Variants in KIT observed in about 807,000 individuals in gnomAD.
The protein encoded by KIT is mast/stem cell growth factor receptor Kit.
KIT carries 16 observed loss-of-function variants against 105.7 expected under a neutral mutation model. That is an observed-to-expected ratio of 0.15 (90% CI 0.10 to 0.23). The LOEUF is 0.23. KIT is among the 10% of genes least tolerant of loss of function. The pLI, the probability that KIT is intolerant of heterozygous loss-of-function variation, is 1.00. For missense variants in KIT, 858 were observed against 1,213.8 expected (o/e 0.71, Z 4.36); for synonymous variants, 438 against 441.1 (o/e 0.99, Z 0.09).
At chr4:54,695,442 T>C (rs1006895020) in intron 1 of KIT, 70 bp from the exon 2 acceptor site, 4 of 1,515,118 alleles carry the variant, frequency 2.6e-6, no homozygotes, top group Non-Finnish European at 3.7e-6. Context: ...TGGAACTCAG[T>C]ATTGGAAGAA....
intron 1 of KIT, among the ~76,000 whole-genome samples, chr4:54,678,229 C>T (rs80074752): frequency 6.6e-6 from 1 of 151,762 alleles, no homozygotes; most frequent in African/African-American, 2.4e-5. Flanking sequence ...TTGTCTGTTT[C>T]CTTCATCTTC....
intron 7 of KIT, among the ~76,000 whole-genome samples, chr4:54,722,217 C>T (rs184758292): frequency 6.4e-4 from 98 of 152,176 alleles, no homozygotes; most frequent in African/African-American, 2.2e-3. Flanking sequence ...AACTCCTGAC[C>T]TCAGGTGATC....
In KIT at chr4:54,727,339, G is replaced by T. The variant is rs776294006; in HGVS notation, c.1647+15G>T. The T allele has an allele frequency of 6.8e-6, 11 of 1,613,348 alleles. No individual in the cohort carries two copies. Among genetic ancestry groups the T allele is most frequent in the Non-Finnish European group, 9.3e-6 (11 of 1,179,360 alleles). On this transcript the variant is annotated intron_variant, in intron 10 of 20. Transcript: ENST00000288135. ...AATATTTACAGGTAACCATTTATTT[G>T]TTCTCTCTCCAGAGTGCTCTAATGA...
chr4:54,733,461 G>A (rs1722728339), intron 17 of KIT: 1 of 377,078 alleles, frequency 2.7e-6, no homozygotes. Flanking sequence ...ATTATAGCCT[G>A]AGAATAGCAA....
intron 1 of KIT, among the ~76,000 whole-genome samples, chr4:54,665,796 G>A (rs979805397): frequency 7.2e-5 from 11 of 152,144 alleles, no homozygotes; most frequent in East Asian, 1.9e-4. Context: ...GAGGGAAGAC[G>A]TCAATGAAAT....
chr4:54,738,856 G>A lies in KIT; in HGVS notation c.*299G>A. On this transcript the variant is annotated 3_prime_UTR_variant, in exon 21 of 21. Coordinates refer to ENST00000288135, the MANE Select transcript of KIT (RefSeq NM_000222.3). ...ACTGGGGGCCAGAGTCCTTTCCAAG[G>A]CTTCTCCAATTCTGCCCAAAAATAT... The A allele has an allele frequency of 1.7e-6, 1 of 599,340 alleles. No homozygotes were observed. The highest frequency in any genetic ancestry group is 3.0e-6 in the Non-Finnish European group (1 of 337,798). 37.1% of individuals were successfully genotyped at this position (599,340 alleles called of 1,614,324 possible). A position where few individuals can be genotyped will look rare whatever the true frequency, so the allele number is the denominator to read the frequency against.
chr4:54,731,959 C>T lies in KIT; in HGVS notation c.2322C>T (p.Tyr774=), dbSNP rs1578001425. ...LDLEDLLSFS[Y]QVAKGMAFLA... is the part of the protein sequence containing the mutation. ...TAGAAGACTTGCTGAGCTTTTCTTA[C>T]CAGGTGGCAAAGGGCATGGCTTTCC... Residue 774 remains tyrosine (Y), a synonymous_variant, in exon 16 of 21, where the codon TAC becomes TAT. Transcript: ENST00000288135. The T allele has an allele frequency of 6.2e-7, 1 of 1,613,530 alleles. No individual in the cohort carries two copies. The highest frequency in any genetic ancestry group is 2.2e-5 in the East Asian group (1 of 44,856).
intron 4 of KIT, among the ~76,000 whole-genome samples, chr4:54,702,037 T>TA (rs780255583): frequency 2.0e-4 from 31 of 152,342 alleles, no homozygotes; most frequent in Non-Finnish European, 4.3e-4. Context: ...GCTCTTGACT[T>TA]ACCTAAGATC....
At chr4:54,684,322 G>T (rs1719158079) in intron 1 of KIT, among the ~76,000 whole-genome samples, 1 of 152,106 alleles carries the variant, frequency 6.6e-6, no homozygotes, top group African/African-American at 2.4e-5. Flanking sequence ...GGACCCACAT[G>T]TACCATGGGC....
chr4:54,687,755 A>G (rs922360734), intron 1 of KIT, among the ~76,000 whole-genome samples: 13 of 152,022 alleles, frequency 8.6e-5, no homozygotes, highest in Non-Finnish European at 1.3e-4. Context: ...TTGAATACAC[A>G]TAGAAACACA....
At chr4:54,724,423 G>A (rs1161210592) in intron 8 of KIT, among the ~76,000 whole-genome samples, 1 of 152,172 alleles carries the variant, frequency 6.6e-6, no homozygotes, top group East Asian at 1.9e-4. Context: ...CAAGTTGGAA[G>A]GGGTTACATC....
At chr4:54,727,129 G>T in intron 9 of KIT, 89 bp from the exon 10 acceptor site, 1 of 1,037,178 alleles carries the variant, frequency 9.6e-7, no homozygotes, top group Non-Finnish European at 1.5e-6. Context: ...GCTGTGAGTT[G>T]GGAGGTGGGG....
chr4:54,732,566 C>T (rs187507257), intron 16 of KIT, among the ~76,000 whole-genome samples: 14 of 152,134 alleles, frequency 9.2e-5, no homozygotes, highest in African/African-American at 1.4e-4. Context: ...TAAGATTAAC[C>T]GAACAGAATG....
intron 3 of KIT, among the ~76,000 whole-genome samples, chr4:54,698,973 A>G (rs533960588): frequency 3.9e-5 from 6 of 152,344 alleles, no homozygotes; most frequent in African/African-American, 1.2e-4. Flanking sequence ...CAGCTGATCA[A>G]TTGCAATGCA....
At chr4:54,731,012 G>A (rs1432379967) in intron 14 of KIT, among the ~76,000 whole-genome samples, 2 of 151,876 alleles carry the variant, frequency 1.3e-5, no homozygotes, top group Non-Finnish European at 1.5e-5. Context: ...GAGGTAATAC[G>A]GGATACCATA....
intron 1 of KIT, among the ~76,000 whole-genome samples, chr4:54,671,326 C>G (rs182871320): frequency 4.6e-5 from 7 of 152,104 alleles, no homozygotes; most frequent in African/African-American, 7.2e-5. Context: ...GAGAAGGAAT[C>G]CAAGATAAAG....
At chr4:54,705,785 G>A (rs1720747543) in intron 5 of KIT, among the ~76,000 whole-genome samples, 3 of 152,162 alleles carry the variant, frequency 2.0e-5, no homozygotes, top group Admixed American at 1.3e-4. Context: ...GGGAGGCTGA[G>A]GCAGGAGGAT....
intron 9 of KIT, among the ~76,000 whole-genome samples, 159 bp from the exon 10 acceptor site, chr4:54,727,059 A>G (rs904206531): frequency 1.3e-5 from 2 of 152,234 alleles, no homozygotes; most frequent in Non-Finnish European, 2.9e-5. Flanking sequence ...TTGAATAACA[A>G]GAGTACAATG....
rs1577956931 is a variant in KIT at position 54,698,427 on chromosome 4, A to C, written c.481A>C (p.Arg161=). The change falls in exon 3 of 21, where the codon AGG becomes CGG. Residue 161 remains arginine, a synonymous_variant. Coordinates refer to ENST00000288135, the MANE Select transcript of KIT (RefSeq NM_000222.3). ...GGGGAAGCCTCTTCCCAAGGACTTG[A>C]GGTTTATTCCTGACCCCAAGGCGGG... is the stretch of plus-strand genomic sequence containing the variant. ...CQGKPLPKDL[R]FIPDPKAGIM... is the part of the protein sequence containing the mutation. The C allele has an allele frequency of 6.2e-7, 1 of 1,614,160 alleles. No individual in the cohort carries two copies. Among genetic ancestry groups the C allele is most frequent in the Non-Finnish European group, 8.5e-7 (1 of 1,180,028 alleles).
Sources: gnomAD v4.1 joint callset for allele counts (sites outside exome capture counted in the v4.1 genomes callset) on GRCh38, gnomAD v4.1.1 for gene constraint, MANE v1.5 for transcripts, NCBI Gene and HGNC (gene_info 2026-07-23, HGNC 2026-07-21) for gene names.